Variants in STOX2 observed in about 807,000 individuals in gnomAD.
STOX2 encodes the protein storkhead box 2.
Under a neutral mutation model 60.9 loss-of-function variants are expected in STOX2, and 28 were observed. That is an observed-to-expected ratio of 0.46 (90% CI 0.34 to 0.63). The LOEUF (loss-of-function observed/expected upper bound fraction) is 0.63. Among genes scored for constraint, STOX2 ranks in the 30% least tolerant of loss-of-function variants. STOX2 has a pLI of 0.01. For synonymous variants in STOX2, 472 were observed against 463.9 expected, an observed-to-expected ratio of 1.02 and a Z score of -0.22; for missense variants, 1,024 against 1,187.7, an observed-to-expected ratio of 0.86 and a Z score of 2.03.
intron 1 of STOX2, among the ~76,000 whole-genome samples, chr4:183,861,315 G>GA (rs79353757): frequency 2.7e-5 from 4 of 150,890 alleles, no homozygotes; most frequent in African/African-American, 4.9e-5. Flanking sequence ...CCTTGGGGGG[G>GA]TCCTCACCCT....
At chr4:183,873,025 A>G (rs564655836) in intron 1 of STOX2, among the ~76,000 whole-genome samples, 1 of 152,288 alleles carries the variant, frequency 6.6e-6, no homozygotes, top group African/African-American at 2.4e-5. Flanking sequence ...TTAAAGTGTT[A>G]CTTACTTTTT....
chr4:183,954,993 G>GC (rs1246580290), intron 1 of STOX2, among the ~76,000 whole-genome samples: 1 of 152,166 alleles, frequency 6.6e-6, no homozygotes, highest in Admixed American at 6.5e-5. Flanking sequence ...GAACTACCAC[G>GC]CCCGGCCCCC....
At position 183,827,046 on chromosome 4, in the gene STOX2, CTG is replaced by C. The variant is rs1407703301; in HGVS notation, c.364+28992_364+28993del. On this transcript the variant is annotated intron_variant, in intron 1 of 2. Transcript: ENST00000513034. ...CTGTCATTAACACCATCTGAGGAAA[CTG>C]AGGCACAGAGTGGTTAGGTGCCCAG... Among the ~76,000 whole-genome samples the C allele has an allele frequency of 7.9e-5, 12 of 152,316 alleles. No individual in the cohort carries two copies. The East Asian group carries it at 1.9e-3, about 24-fold the overall frequency.
intron 1 of STOX2, among the ~76,000 whole-genome samples, chr4:183,860,086 T>G (rs1479911998): frequency 3.8e-5 from 5 of 132,434 alleles, no homozygotes; most frequent in African/African-American, 1.3e-4. Flanking sequence ...TAAAATCATA[T>G]TCTTTTTTTT....
intron 1 of STOX2, among the ~76,000 whole-genome samples, chr4:183,950,910 T>C (rs934748017): frequency 3.9e-5 from 6 of 152,074 alleles, no homozygotes; most frequent in African/African-American, 1.4e-4. Flanking sequence ...AAGTCCCTAG[T>C]TTGTTTAAGA....
intron 1 of STOX2, among the ~76,000 whole-genome samples, chr4:183,989,184 T>G (rs56164316): frequency 0.26 from 22,850 of 86,394 alleles, 2,008 homozygotes; most frequent in East Asian, 0.42. Context: ...TTTTTTTTTT[T>G]TTTTTTTTTG....
At chr4:183,876,019 A>C (rs556216101) in intron 1 of STOX2, among the ~76,000 whole-genome samples, 1 of 152,264 alleles carries the variant, frequency 6.6e-6, no homozygotes, top group South Asian at 2.1e-4. Context: ...GGCCACATGA[A>C]TACTTTAGAT....
rs186890726 is a variant in STOX2 at position 184,017,207 on chromosome 4, G to C, written c.2704G>C (p.Ala902Pro). 1.7e-5 allele frequency: 28 copies of C among 1,612,030 alleles called. No individual in the cohort carries two copies. In the Admixed American group the frequency reaches 4.7e-4, roughly 27 times the overall value. The change falls in exon 4 of 4, where the codon GCG (alanine) becomes CCG (proline). Residue 902 changes from alanine (A) to proline (P), a missense_variant. Coordinates refer to ENST00000308497, the MANE Select transcript of STOX2 (RefSeq NM_020225.3). The part of the protein sequence containing the change: ...AGPAFNFRAS[A>P]EPPTNEAEKL... ...TCCAGCCTTCAACTTCCGAGCGAGC[G>C]CGGAGCCCCCGACAAATGAAGCTGA...
At chr4:183,989,763 A>T (rs142596154) in intron 1 of STOX2, among the ~76,000 whole-genome samples, 328 of 152,256 alleles carry the variant, frequency 2.2e-3, no homozygotes, top group Middle Eastern at 6.8e-3. Context: ...AAAGCTTTTT[A>T]AAAAAACATG....
Position 183,821,721 on chromosome 4 carries a change from C to T in STOX2, c.364+23666C>T, listed in dbSNP as rs528609749. On this transcript the variant is annotated intron_variant, in intron 1 of 2. Transcript: ENST00000513034. The surrounding 1 kb of genome is among the most constrained non-coding windows in gnomAD (Gnocchi z 4.2). The stretch of plus-strand genomic sequence containing the variant: ...CCACCACCTCCCTTTTGAGCCCTGC[C>T]TAGAGGGGAGGGGAGGGGTCCCTGC... Among the ~76,000 whole-genome samples, 2 of 152,200 alleles carry T rather than the reference C, an allele frequency of 1.3e-5. No individual in the cohort carries two copies. Among genetic ancestry groups the T allele is most frequent in the Non-Finnish European group, 1.5e-5 (1 of 68,032 alleles).
intron 1 of STOX2, among the ~76,000 whole-genome samples, chr4:183,895,217 C>T (rs539755661): frequency 1.1e-3 from 161 of 152,292 alleles, no homozygotes; most frequent in Admixed American, 2.0e-3. Flanking sequence ...CTGCCTTATG[C>T]ATAAGGCTCA....
intron 1 of STOX2, among the ~76,000 whole-genome samples, chr4:183,964,731 T>C (rs970953450): frequency 5.9e-5 from 9 of 152,102 alleles, no homozygotes; most frequent in African/African-American, 9.7e-5. Context: ...TACAGGTGCA[T>C]GCCACCATGC....
chr4:183,941,647 C>T (rs1030293901), intron 1 of STOX2, among the ~76,000 whole-genome samples: 1 of 152,126 alleles, frequency 6.6e-6, no homozygotes, highest in Non-Finnish European at 1.5e-5. Context: ...GGGGGTATGG[C>T]GATAGACAAC....
At position 184,010,345 on chromosome 4, in the gene STOX2, GCTT is replaced by G; in HGVS notation, c.1513_1515del (p.Ser505del). ...GGATAACTCCAAAGGCCCTCTGGGT[GCTT>G]CTTCTCTAGGGACGCCGGAAGACCT... is the stretch of plus-strand genomic sequence containing the variant. On this transcript the variant is annotated inframe_deletion, in exon 3 of 4. Coordinates refer to ENST00000308497, the MANE Select transcript of STOX2 (RefSeq NM_020225.3). This position sits in a 1 kb window ranked among gnomAD's most constrained non-coding sequence, Gnocchi z 4.5. The G allele has an allele frequency of 6.2e-7, 1 of 1,610,408 alleles. No individual in the cohort carries two copies. Among genetic ancestry groups the G allele is most frequent in the Admixed American group, 1.7e-5 (1 of 59,498 alleles).
At chr4:183,968,763 G>A (rs1350525397) in intron 1 of STOX2, among the ~76,000 whole-genome samples, 1 of 151,832 alleles carries the variant, frequency 6.6e-6, no homozygotes, top group African/African-American at 2.4e-5. Context: ...CAGGGGGGCG[G>A]GGGGTGTTGG....
rs1740294386 is a variant in STOX2, at chr4:183,856,726, G to A, written c.364+58671G>A. Among the ~76,000 whole-genome samples the A allele has an allele frequency of 6.6e-6, 1 of 152,216 alleles. No individual in the cohort carries two copies. Among genetic ancestry groups the A allele is most frequent in the Non-Finnish European group, 1.5e-5 (1 of 68,036 alleles). On this transcript the variant is annotated intron_variant, in intron 1 of 2. Coordinates refer to the STOX2 transcript ENST00000513034. The surrounding 1 kb of genome is among the most constrained non-coding windows in gnomAD (Gnocchi z 4.0). ...GGGGTGTTTTGTTGTTACAGAAGAA[G>A]GGAAGGGAGATGTGAAAGTGCTACT...
At chr4:183,812,436 G>A (rs960294449) in intron 1 of STOX2, among the ~76,000 whole-genome samples, 6 of 152,150 alleles carry the variant, frequency 3.9e-5, no homozygotes, top group Non-Finnish European at 8.8e-5. Context: ...AGGGTTTTTA[G>A]ATTTGTTTAA....
chr4:183,906,705 CGT>C lies in STOX2; in HGVS notation c.-84_-83del. 1 of 1,358,784 alleles carries C rather than the reference CGT, an allele frequency of 7.4e-7. No homozygotes were observed. Among genetic ancestry groups the C allele is most frequent in the Admixed American group, 3.0e-5 (1 of 33,242 alleles). The allele number at this position is 1,358,784 out of a possible 1,614,324, so 84.2% of individuals were successfully genotyped here. A position where few individuals can be genotyped will look rare whatever the true frequency, so the allele number is the denominator to read the frequency against. Reference sequence around the variant, plus strand: ...AAATGTGCGCAGAGTCCGCCCGGGTCGTGCCCGCCGTAGACGGATGAAGGAGC... The same window carrying C: ...AAATGTGCGCAGAGTCCGCCCGGGTCGCCCGCCGTAGACGGATGAAGGAGC... On this transcript the variant is annotated 5_prime_UTR_variant, in exon 1 of 4. It removes the in-frame stop codon of an upstream open reading frame in the 5' UTR. Transcript: ENST00000308497.
chr4:183,927,279 G>C (rs1175569044), intron 1 of STOX2, among the ~76,000 whole-genome samples: 1 of 152,232 alleles, frequency 6.6e-6, no homozygotes, highest in Non-Finnish European at 1.5e-5. Flanking sequence ...CCTGGCCTCT[G>C]TGTCTCATGT....
Sources: gnomAD v4.1 joint callset for allele counts (sites outside exome capture counted in the v4.1 genomes callset) on GRCh38, gnomAD v4.1.1 for gene constraint, Gnocchi (gnomAD v3.1) non-coding constraint, MANE v1.5 for transcripts, NCBI Gene and HGNC (gene_info 2026-07-23, HGNC 2026-07-21) for gene names.